Variants in GLIS3 observed in about 807,000 individuals in gnomAD.
GLIS3 encodes GLIS family zinc finger 3, also known as zinc finger protein GLIS3.
GLIS3 carries 53 observed loss-of-function variants against 78.6 expected under a neutral mutation model. The observed-to-expected ratio is 0.67, with a 90% confidence interval of 0.54 to 0.85. The LOEUF (loss-of-function observed/expected upper bound fraction) is 0.85. GLIS3 is among the 40% of genes least tolerant of loss of function. The probability of loss-of-function intolerance (pLI) is 0.00; values close to 1 mark genes in which losing one functional copy is unlikely to be tolerated. For synonymous variants in GLIS3, 684 were observed against 509.9 expected (o/e 1.34, Z -4.60); for missense variants, 1,703 against 1,231.1 (o/e 1.38, Z -5.74).
chr9:4,475,016 C>T, the GLIS3 span, among the ~76,000 whole-genome samples: 10 of 73,032 alleles, frequency 1.4e-4, no homozygotes, highest in African/African-American at 6.6e-4. Flanking sequence ...TTTTTTGAGA[C>T]GTAGTCTTGC....
chr9:4,350,605 G>A (rs1298950837), upstream of GLIS3, among the ~76,000 whole-genome samples: 3 of 152,090 alleles, frequency 2.0e-5, no homozygotes, highest in Non-Finnish European at 4.4e-5. Flanking sequence ...TGGGGATAAG[G>A]AAGACTGAAC....
At chr9:3,873,379 T>G (rs906591110) in intron 8 of GLIS3, among the ~76,000 whole-genome samples, 2 of 151,974 alleles carry the variant, frequency 1.3e-5, no homozygotes, top group African/African-American at 4.8e-5. Flanking sequence ...ACAGGACAAG[T>G]GCGATTTATA....
At chr9:4,138,894 C>G (rs112834864) in intron 2 of GLIS3, among the ~76,000 whole-genome samples, 1 of 152,126 alleles carries the variant, frequency 6.6e-6, no homozygotes, top group Non-Finnish European at 1.5e-5. Flanking sequence ...CCAGGCACCC[C>G]AAAGAGCTAC....
chr9:4,405,444 G>A, the GLIS3 span, among the ~76,000 whole-genome samples: 1 of 151,956 alleles, frequency 6.6e-6, no homozygotes, highest in African/African-American at 2.4e-5. Flanking sequence ...GCTACTATGA[G>A]CAGCTATATG....
intron 2 of GLIS3, among the ~76,000 whole-genome samples, chr9:4,212,258 G>A (rs530147214): frequency 6.5e-4 from 99 of 152,238 alleles, no homozygotes; most frequent in Non-Finnish European, 1.3e-3. Context: ...TTCCCCAATG[G>A]CTGAGTTCTA....
chr9:3,854,689 G>A (rs1281924489), intron 9 of GLIS3, among the ~76,000 whole-genome samples: 2 of 138,346 alleles, frequency 1.4e-5, no homozygotes, highest in Non-Finnish European at 3.1e-5. Context: ...AGCGCCCGCC[G>A]TCACGCCTGG....
the GLIS3 span, among the ~76,000 whole-genome samples, chr9:4,378,089 G>C: frequency 6.6e-6 from 1 of 152,142 alleles, no homozygotes; most frequent in African/African-American, 2.4e-5. Context: ...GTGAACATGA[G>C]AAGACTTTGG....
intron 2 of GLIS3, among the ~76,000 whole-genome samples, chr9:4,333,744 C>CA (rs377031760): frequency 3.1e-5 from 4 of 130,834 alleles, no homozygotes; most frequent in South Asian, 3.0e-4. Flanking sequence ...TGCCCCCCCC[C>CA]ACCCCCCGCA....
At chr9:3,863,123 ACC>A (rs1232554611) in intron 8 of GLIS3, among the ~76,000 whole-genome samples, 1 of 152,308 alleles carries the variant, frequency 6.6e-6, no homozygotes, top group East Asian at 1.9e-4. Context: ...CAATGATAAT[ACC>A]CCACTTTGTA....
At chr9:4,310,281 T>C (rs949326820) in intron 3 of GLIS3, 30 of 152,162 alleles carry the variant, frequency 2.0e-4, no homozygotes, top group African/African-American at 7.2e-4. Context: ...AAAAATATAA[T>C]TGAACAGTAA....
chr9:4,200,994 A>G lies in GLIS3; in HGVS notation c.389-75053T>C, dbSNP rs181303969. 2.4e-4 allele frequency among the ~76,000 whole-genome samples: 36 copies of G among 152,166 alleles called. 1 individual carries two copies. The highest frequency in any genetic ancestry group is 2.0e-3 in the Admixed American group (30 of 15,290). Reference sequence around the variant, plus strand: ...ATCAAAAATTAGTTCACCATAATCAATTAGGCTTCATTCCTGGGATGCAAG... The same window carrying G: ...ATCAAAAATTAGTTCACCATAATCAGTTAGGCTTCATTCCTGGGATGCAAG... On this transcript the variant is annotated intron_variant, in intron 2 of 10. Coordinates refer to ENST00000381971, the MANE Select transcript of GLIS3 (RefSeq NM_001042413.2).
chr9:4,351,262 A>G (rs1186476771), upstream of GLIS3, among the ~76,000 whole-genome samples: 2 of 152,128 alleles, frequency 1.3e-5, no homozygotes, highest in Non-Finnish European at 1.5e-5. Flanking sequence ...AAACAAACAA[A>G]CAATTAACTG....
intron 2 of GLIS3, among the ~76,000 whole-genome samples, chr9:4,242,470 A>G (rs1184811972): frequency 6.6e-6 from 1 of 152,166 alleles, no homozygotes; most frequent in Non-Finnish European, 1.5e-5. Context: ...GTGGCATTCC[A>G]AAGCCCCACG....
intron 2 of GLIS3, among the ~76,000 whole-genome samples, chr9:4,322,970 T>A (rs943893626): frequency 3.3e-5 from 5 of 152,180 alleles, no homozygotes; most frequent in South Asian, 2.1e-4. Flanking sequence ...GGTGTTTTAG[T>A]CATGAAGTCC....
intron 2 of GLIS3, among the ~76,000 whole-genome samples, chr9:4,323,332 C>G (rs999937685): frequency 3.9e-5 from 6 of 152,154 alleles, no homozygotes; most frequent in African/African-American, 1.2e-4. Flanking sequence ...TATATGTAAA[C>G]AACATATTGT....
intron 4 of GLIS3, among the ~76,000 whole-genome samples, chr9:4,066,204 T>C (rs964753692): frequency 2.0e-5 from 3 of 152,188 alleles, no homozygotes; most frequent in Admixed American, 2.0e-4. Flanking sequence ...GCTAACCCTA[T>C]CTGTAACACC....
chr9:4,351,372 T>G (rs1240457139), upstream of GLIS3, among the ~76,000 whole-genome samples: 1 of 134,568 alleles, frequency 7.4e-6, no homozygotes, highest in African/African-American at 2.8e-5. Flanking sequence ...ACCACTGCAC[T>G]CAAGCATGGG....
chr9:4,439,062 C>A, the GLIS3 span, among the ~76,000 whole-genome samples: 1 of 152,144 alleles, frequency 6.6e-6, no homozygotes, highest in Admixed American at 6.5e-5. Flanking sequence ...GGTTCCTCAC[C>A]ACCTAGCATC....
intron 4 of GLIS3, among the ~76,000 whole-genome samples, chr9:4,044,701 G>A (rs189966333): frequency 1.6e-4 from 25 of 152,240 alleles, no homozygotes; most frequent in Non-Finnish European, 2.9e-4. Flanking sequence ...CATGACTGAG[G>A]GTGACTGCTC....
Sources: allele counts gnomAD v4.1 joint callset (sites outside exome capture counted in the v4.1 genomes callset), GRCh38; gene constraint gnomAD v4.1.1; transcripts MANE v1.5; gene names NCBI Gene and HGNC (gene_info 2026-07-23, HGNC 2026-07-21).